Variants in USP53 observed in about 807,000 individuals in gnomAD.
The protein encoded by USP53 is ubiquitin specific peptidase 53, also known as ubiquitin carboxyl-terminal hydrolase 53.
Under a neutral mutation model 94.9 loss-of-function variants are expected in USP53, and 71 were observed. The ratio of observed to expected loss-of-function variants is 0.75; its 90% CI spans 0.62 to 0.91. The LOEUF (loss-of-function observed/expected upper bound fraction) is 0.91, where lower values mean the gene tolerates loss of function less well. USP53 is among the 40% of genes least tolerant of loss of function. USP53 has a pLI of 0.00. For synonymous variants in USP53, 375 were observed against 422.7 expected (o/e 0.89, Z 1.39); for missense variants, 1,173 against 1,281.0 (o/e 0.92, Z 1.29).
At chr4:119,273,315 CA>C (rs11366529) in intron 16 of USP53, 86,707 of 141,488 alleles carry the variant, frequency 0.61, 24,175 homozygotes, top group East Asian at 0.69. Context: ...GGTCCTGGCT[CA>C]AAAAAAAAAA....
At chr4:119,276,453 T>G (rs1056038305) in intron 17 of USP53, among the ~76,000 whole-genome samples, 3 of 151,672 alleles carry the variant, frequency 2.0e-5, no homozygotes, top group African/African-American at 7.3e-5. Flanking sequence ...TGAAGCCCAC[T>G]TGATCATGGT....
At position 119,292,377 on chromosome 4, in the gene USP53, A is replaced by T. The variant is rs745899292; in HGVS notation, c.2388A>T (p.Ser796=). The T allele has an allele frequency of 2.5e-6, 4 of 1,609,776 alleles. No individual in the cohort carries two copies. The highest frequency in any genetic ancestry group is 3.4e-6 in the Non-Finnish European group (4 of 1,178,720). The change falls in exon 19 of 19, where the codon TCA becomes TCT. Residue 796 remains serine, a synonymous_variant. Coordinates refer to ENST00000692078, the MANE Select transcript of USP53 (RefSeq NM_001371395.1). ...VHEDNGKLFP[S]SSLQIPKDHN... is the part of the protein sequence containing the mutation. ...AAGACAATGGAAAGTTATTTCCTTC[A>T]TCCAGTCTACAAATACCCAAGGACC...
intron 9 of USP53, among the ~76,000 whole-genome samples, chr4:119,256,927 C>T (rs1434088951): frequency 1.3e-5 from 2 of 151,966 alleles, no homozygotes; most frequent in Non-Finnish European, 2.9e-5. Context: ...CTAGGGTAAG[C>T]GGAGAAGAAA....
chr4:119,275,528 G>A (rs1206720212), intron 17 of USP53, among the ~76,000 whole-genome samples: 1 of 146,712 alleles, frequency 6.8e-6, no homozygotes, highest in Non-Finnish European at 1.5e-5. Context: ...AAGTCAGGTA[G>A]TGTGATGCCT....
intron 16 of USP53, chr4:119,273,017 TAAGGA>T (rs1752071193): frequency 6.6e-6 from 1 of 152,118 alleles, no homozygotes; most frequent in Non-Finnish European, 1.5e-5. Context: ...AATAAAGACT[TAAGGA>T]AAGGGCCAGG....
chr4:119,258,805 C>T (rs1750096725), intron 9 of USP53, among the ~76,000 whole-genome samples: 1 of 152,134 alleles, frequency 6.6e-6, no homozygotes, highest in Non-Finnish European at 1.5e-5. Flanking sequence ...TGGGTCCCTC[C>T]CACAACACGA....
At chr4:119,233,150 G>A (rs759878762) in intron 3 of USP53, among the ~76,000 whole-genome samples, 3 of 148,506 alleles carry the variant, frequency 2.0e-5, no homozygotes, top group Admixed American at 6.7e-5. Flanking sequence ...TAACAATTTC[G>A]TTAGTGTTTA....
In USP53 at chr4:119,248,898, A is replaced by G; in HGVS notation, c.372+16A>G. On this transcript the variant is annotated intron_variant, in intron 7 of 18. Coordinates refer to ENST00000692078, the MANE Select transcript of USP53 (RefSeq NM_001371395.1). ...GGAGTGCTTTGTAAGTGTTTCTGAT[A>G]TTCCTTAAGAAGTCAGGATAGTAGT... 24 of 1,612,906 alleles carry G rather than the reference A, an allele frequency of 1.5e-5. No homozygotes were observed. The highest frequency in any genetic ancestry group is 2.0e-5 in the Non-Finnish European group (23 of 1,179,336).
Position 119,215,338 on chromosome 4 carries a change from G to T in USP53, c.-789+1116G>T, listed in dbSNP as rs116135593. ...TAGGAACAAGAAACGGATGCAACCT[G>T]CTCTACTACAAGTAAAAATCCTCAA... On this transcript the variant is annotated intron_variant, in intron 2 of 18. Coordinates refer to ENST00000692078, the MANE Select transcript of USP53 (RefSeq NM_001371395.1). Among the ~76,000 whole-genome samples the T allele has an allele frequency of 9.1e-3, 1,391 of 152,212 alleles. 20 individuals carry two copies. The highest frequency in any genetic ancestry group is 0.032 in the African/African-American group (1,314 of 41,510).
intron 1 of USP53, among the ~76,000 whole-genome samples, chr4:119,213,641 G>GATAGATATATATAT (rs1553961988): frequency 9.2e-6 from 1 of 108,112 alleles, no homozygotes; most frequent in Non-Finnish European, 1.8e-5. Context: ...TCTGGAAATA[G>GATAGATATATATAT]ATATATATAT....
At chr4:119,215,130 A>C (rs1743535398) in intron 2 of USP53, among the ~76,000 whole-genome samples, 1 of 152,170 alleles carries the variant, frequency 6.6e-6, no homozygotes, top group South Asian at 2.1e-4. Context: ...GCTAGGGCCA[A>C]AATGATTGCC....
At chr4:119,249,857 G>C (rs1748736717) in intron 7 of USP53, among the ~76,000 whole-genome samples, 1 of 151,644 alleles carries the variant, frequency 6.6e-6, no homozygotes, top group African/African-American at 2.4e-5. Flanking sequence ...GTGGAGACAG[G>C]GTTTCACTGT....
chr4:119,279,072 TGATC>T (rs1753069230), intron 17 of USP53, among the ~76,000 whole-genome samples: 1 of 145,792 alleles, frequency 6.9e-6, no homozygotes, highest in Admixed American at 6.9e-5. Flanking sequence ...CAGAGTAATT[TGATC>T]GTCTGAAGCC....
Position 119,271,692 on chromosome 4 carries a change from C to A in USP53, c.1832C>A (p.Pro611Gln). ...EKRQHSPRHKPNISNKPKSSK... is the reference protein window; with the variant it reads ...EKRQHSPRHKQNISNKPKSSK... ...AGACAGCATAGTCCAAGACATAAACCAAATATCAGTAATAAGCCTAAATCT... is the reference window on the plus strand; with the variant it reads ...AGACAGCATAGTCCAAGACATAAACAAAATATCAGTAATAAGCCTAAATCT... The change falls in exon 16 of 19, where the codon CCA becomes CAA. Residue 611 changes from proline (P) to glutamine (Q), a missense_variant. Coordinates refer to ENST00000692078, the MANE Select transcript of USP53 (RefSeq NM_001371395.1). 6.2e-7 allele frequency: 1 copy of A among 1,613,906 alleles called. No homozygotes were observed. Among genetic ancestry groups the A allele is most frequent in the South Asian group, 1.1e-5 (1 of 90,994 alleles).
chr4:119,267,477 A>G lies in USP53; in HGVS notation c.1130A>G (p.Asn377Ser). 6.2e-7 allele frequency: 1 copy of G among 1,607,530 alleles called. No individual in the cohort carries two copies. Among genetic ancestry groups the G allele is most frequent in the Non-Finnish European group, 8.5e-7 (1 of 1,178,258 alleles). Residue 377 changes from asparagine to serine, a missense_variant, in exon 13 of 19, where the codon AAT (asparagine) becomes AGT (serine). By Grantham distance (46) the Asn-to-Ser change is conservative. Transcript: ENST00000692078. The stretch of plus-strand genomic sequence containing the variant: ...TCACATTACAAATCTGTTGCAGAAA[A>G]TATGGGTAATTCTTTCTTTTAAAAA... ...SWSHYKSVAE[N>S]MGCEKPVIHK...
At chr4:119,282,011 T>C (rs1446061024) in intron 17 of USP53, among the ~76,000 whole-genome samples, 2 of 152,054 alleles carry the variant, frequency 1.3e-5, no homozygotes, top group Non-Finnish European at 2.9e-5. Context: ...ACCATTCTAC[T>C]TTTTGTCTCT....
Position 119,260,508 on chromosome 4 carries a change from G to C in USP53, c.677G>C (p.Ser226Thr). The C allele has an allele frequency of 6.2e-7, 1 of 1,613,146 alleles. No individual in the cohort carries two copies. Among genetic ancestry groups the C allele is most frequent in the African/African-American group, 1.3e-5 (1 of 75,000 alleles). ...TAAAACTTTTATGTTTTTCTGTAGA[G>C]TAACTGTGGCCAAAAAATAAAAATT... ...NTTDDYRKCPSNCGQKIKIRR... is the reference protein window; with the variant it reads ...NTTDDYRKCPTNCGQKIKIRR... Residue 226 changes from serine to threonine, a missense_variant and splice_region_variant, in exon 11 of 19, where the codon AGT becomes ACT. Physicochemically the swap from Ser to Thr is moderately conservative, Grantham distance 58. Transcript: ENST00000692078.
In USP53 at chr4:119,269,682, CT is replaced by C; in HGVS notation, c.1289-5del. 1 of 1,382,690 alleles carries C rather than the reference CT, an allele frequency of 7.2e-7. No homozygotes were observed. Among genetic ancestry groups the C allele is most frequent in the Non-Finnish European group, 9.4e-7 (1 of 1,062,774 alleles). The allele number at this position is 1,382,690 out of a possible 1,614,324, so 85.7% of individuals were successfully genotyped here. On this transcript the variant is annotated splice_region_variant and splice_polypyrimidine_tract_variant and intron_variant, in intron 14 of 18. Coordinates refer to ENST00000692078, the MANE Select transcript of USP53 (RefSeq NM_001371395.1). ...ATCTGTATCATAGTAAGAATGATTT[CT>C]TTTACAGCTAAGTTAAGTCACATTG...
intron 6 of USP53, among the ~76,000 whole-genome samples, chr4:119,246,160 T>C (rs1748205375): frequency 6.6e-6 from 1 of 152,172 alleles, no homozygotes. Flanking sequence ...TGTGGATGCT[T>C]TTGCATGCTT....
Sources: allele counts gnomAD v4.1 joint callset (sites outside exome capture counted in the v4.1 genomes callset), GRCh38; gene constraint gnomAD v4.1.1; transcripts MANE v1.5; gene names NCBI Gene and HGNC (gene_info 2026-07-23, HGNC 2026-07-21).